Variants in SLC44A5 observed in about 807,000 individuals in gnomAD.
The protein encoded by SLC44A5 is solute carrier family 44 member 5.
A neutral mutation model predicts 101.8 loss-of-function variants in SLC44A5; 57 were observed. The ratio of observed to expected loss-of-function variants is 0.56; its 90% CI spans 0.45 to 0.70. The LOEUF is 0.70. Ranked by LOEUF, SLC44A5 falls within the 30% of genes least tolerant of loss-of-function variation. The probability of loss-of-function intolerance (pLI) is 0.00; values close to 1 mark genes in which losing one functional copy is unlikely to be tolerated. For missense variants in SLC44A5, 737 were observed against 853.1 expected (o/e 0.86, Z 1.70); for synonymous variants, 281 against 290.9 (o/e 0.97, Z 0.35).
chr1:75,342,161 G>A (rs1269019961), intron 3 of SLC44A5, among the ~76,000 whole-genome samples: 1 of 152,148 alleles, frequency 6.6e-6, no homozygotes, highest in East Asian at 1.9e-4. Context: ...CAGTGAAAGA[G>A]TTTTAGGAAG....
the SLC44A5 span, among the ~76,000 whole-genome samples, chr1:75,620,053 A>T: frequency 8.6e-5 from 13 of 151,660 alleles, no homozygotes; most frequent in East Asian, 2.5e-3. Context: ...TTATTGTTCA[A>T]CTCCCACTTA....
the SLC44A5 span, among the ~76,000 whole-genome samples, chr1:75,669,643 G>A: frequency 2.0e-5 from 3 of 151,958 alleles, no homozygotes; most frequent in African/African-American, 7.2e-5. Context: ...TCAGAATTCT[G>A]ACGCCACTAT....
chr1:75,286,785 C>T (rs1360759560), intron 5 of SLC44A5, among the ~76,000 whole-genome samples: 1 of 152,052 alleles, frequency 6.6e-6, no homozygotes, highest in African/African-American at 2.4e-5. Context: ...GACTCCAATC[C>T]TTTCTAGCTT....
At chr1:75,678,547 C>G in the SLC44A5 span, among the ~76,000 whole-genome samples, 132,172 of 145,988 alleles carry the variant, frequency 0.91, 60,058 homozygotes, top group Non-Finnish European at 0.93. Context: ...CTGCAGCTGA[C>G]GGTCCTGTCT....
intron 4 of SLC44A5, among the ~76,000 whole-genome samples, chr1:75,315,217 CTTTGACATGGATTGGATTATAAATTA>C (rs1212232520): frequency 6.6e-6 from 1 of 152,090 alleles, no homozygotes; most frequent in Non-Finnish European, 1.5e-5. Context: ...AAAACTGAAA[CTTTGACATGGATTGGATTATAAATTA>C]TTACCATCAT....
chr1:75,714,657 T>G, the SLC44A5 span, among the ~76,000 whole-genome samples: 1 of 152,160 alleles, frequency 6.6e-6, no homozygotes, highest in East Asian at 1.9e-4. Context: ...TTCAGCAAAA[T>G]TTCAATGTAC....
chr1:75,433,499 G>A (rs1348713898), intron 2 of SLC44A5, among the ~76,000 whole-genome samples: 2 of 152,006 alleles, frequency 1.3e-5, no homozygotes, highest in Non-Finnish European at 2.9e-5. Context: ...CTCACTGATG[G>A]CACATGTTTT....
At chr1:75,433,584 T>C (rs1664730747) in intron 2 of SLC44A5, among the ~76,000 whole-genome samples, 1 of 152,162 alleles carries the variant, frequency 6.6e-6, no homozygotes. Flanking sequence ...TTCAACTACC[T>C]TCTCTGGCAG....
chr1:75,565,970 T>C (rs1449349987), intron 1 of SLC44A5, among the ~76,000 whole-genome samples: 1 of 152,224 alleles, frequency 6.6e-6, no homozygotes, highest in Non-Finnish European at 1.5e-5. Flanking sequence ...TGATGTATTA[T>C]TCAAATGTTA....
intron 11 of SLC44A5, among the ~76,000 whole-genome samples, chr1:75,235,293 T>A (rs1647974164): frequency 6.6e-6 from 1 of 152,098 alleles, no homozygotes; most frequent in Non-Finnish European, 1.5e-5. Context: ...TAGATTTATA[T>A]TTATAAAATA....
chr1:75,399,695 T>C (rs1208436239), intron 2 of SLC44A5, among the ~76,000 whole-genome samples: 5 of 152,090 alleles, frequency 3.3e-5, no homozygotes, highest in Non-Finnish European at 7.3e-5. Context: ...AAAAGCAAAA[T>C]CTCATTATTG....
Position 75,211,479 on chromosome 1 carries a change from A to G in SLC44A5, c.2036T>C (p.Phe679Ser). 1 of 1,612,058 alleles carries G rather than the reference A, an allele frequency of 6.2e-7. No individual in the cohort carries two copies. The highest frequency in any genetic ancestry group is 2.2e-5 in the East Asian group (1 of 44,728). The stretch of plus-strand genomic sequence containing the variant: ...TACTGAATACTCACAGAAGCAGATG[A>G]AAATTGTTTCAACACACATTGCATA... The part of the protein sequence containing the change: ...SVYAMCVETI[F>S]ICFLEDLERN... Residue 679 changes from phenylalanine to serine, a missense_variant, in exon 23 of 24, where the codon TTC becomes TCC. This residue lies in a region of SLC44A5 where 61 missense variants were observed against 56.5 expected (regional missense o/e 1.08). Transcript: ENST00000370859.
chr1:75,464,170 C>T (rs545754269), intron 2 of SLC44A5, among the ~76,000 whole-genome samples: 12 of 136,778 alleles, frequency 8.8e-5, no homozygotes, highest in East Asian at 2.5e-4. Flanking sequence ...TGCAGTGAAC[C>T]GAGATTGCAC....
chr1:75,635,783 T>C, the SLC44A5 span, among the ~76,000 whole-genome samples: 1 of 149,342 alleles, frequency 6.7e-6, no homozygotes, highest in African/African-American at 2.5e-5. Context: ...ATTGTGCACA[T>C]GTACCCTAAA....
intron 23 of SLC44A5, among the ~76,000 whole-genome samples, chr1:75,209,215 T>C (rs984560364): frequency 6.6e-6 from 1 of 152,172 alleles, no homozygotes; most frequent in Non-Finnish European, 1.5e-5. Context: ...ACTGTCAAAA[T>C]TCAAAATCAA....
intron 6 of SLC44A5, among the ~76,000 whole-genome samples, chr1:75,257,601 A>G (rs1368390042): frequency 1.3e-5 from 2 of 152,106 alleles, no homozygotes; most frequent in Non-Finnish European, 2.9e-5. Flanking sequence ...AAACTCCTGC[A>G]ATTCTAGCCA....
the SLC44A5 span, among the ~76,000 whole-genome samples, chr1:75,674,885 T>G: frequency 3.3e-5 from 5 of 152,302 alleles, no homozygotes; most frequent in Admixed American, 3.3e-4. Flanking sequence ...CTCCATTGCT[T>G]GTTTTTGTCA....
In SLC44A5 at chr1:75,374,102, G is replaced by C. The variant is rs374261438; in HGVS notation, c.52+22481C>G. Among the ~76,000 whole-genome samples the C allele has an allele frequency of 8.5e-5, 13 of 152,314 alleles. No individual in the cohort carries two copies. The East Asian group carries it at 2.5e-3, about 29-fold the overall frequency. On this transcript the variant is annotated intron_variant, in intron 3 of 23. Transcript: ENST00000370859. ...AACATTTTGGAACAGCAAGTGACCT[G>C]AATGCAGAAGGCTTGGGACAAGTCT...
At chr1:75,316,089 G>A (rs1392805484) in intron 4 of SLC44A5, among the ~76,000 whole-genome samples, 1 of 152,090 alleles carries the variant, frequency 6.6e-6, no homozygotes, top group African/African-American at 2.4e-5. Context: ...AAATCCACTA[G>A]TCAAAACATT....
Sources: allele counts gnomAD v4.1 joint callset (sites outside exome capture counted in the v4.1 genomes callset), GRCh38; gene constraint gnomAD v4.1.1; regional missense constraint gnomAD v4.1.1; transcripts MANE v1.5; gene names NCBI Gene and HGNC (gene_info 2026-07-23, HGNC 2026-07-21).